The following NRG3 variants were observed in gnomAD, a reference collection of about 807,000 sequenced individuals.
NRG3 encodes neuregulin 3.
NRG3 carries 31 observed loss-of-function variants against 66.9 expected under a neutral mutation model. That is an observed-to-expected ratio of 0.46 (90% CI 0.35 to 0.63). NRG3 has a LOEUF of 0.63. NRG3 is among the 20% of genes least tolerant of loss of function. NRG3 has a pLI of 0.00. For missense variants in NRG3, 910 were observed against 878.9 expected (o/e 1.04, Z -0.45); for synonymous variants, 393 against 359.4 (o/e 1.09, Z -1.06).
chr10:82,367,205 A>T (rs1383599554), intron 2 of NRG3, among the ~76,000 whole-genome samples: 1 of 152,208 alleles, frequency 6.6e-6, no homozygotes, highest in Non-Finnish European at 1.5e-5. Flanking sequence ...TAAAATGGGG[A>T]TGATGATAAC....
At chr10:82,954,696 G>T (rs1280220389) in intron 5 of NRG3, among the ~76,000 whole-genome samples, 1 of 151,516 alleles carries the variant, frequency 6.6e-6, no homozygotes, top group Non-Finnish European at 1.5e-5. Context: ...TTCAGGCTTG[G>T]TCTCCCTTTT....
intron 1 of NRG3, among the ~76,000 whole-genome samples, chr10:82,180,443 A>G (rs905327490): frequency 6.6e-6 from 1 of 151,818 alleles, no homozygotes; most frequent in Non-Finnish European, 1.5e-5. Flanking sequence ...GAGTGATTTT[A>G]TTATGACAGA....
chr10:82,687,151 C>CT (rs1181442050), intron 2 of NRG3, among the ~76,000 whole-genome samples: 13 of 152,176 alleles, frequency 8.5e-5, no homozygotes, highest in Admixed American at 6.5e-5. Flanking sequence ...TATCTTAGGA[C>CT]TTTCTTATTT....
At chr10:82,217,308 C>A (rs990485660) in intron 1 of NRG3, among the ~76,000 whole-genome samples, 1 of 152,122 alleles carries the variant, frequency 6.6e-6, no homozygotes, top group African/African-American at 2.4e-5. Flanking sequence ...TACCTGGGTG[C>A]CATCGCTCTT....
intron 1 of NRG3, among the ~76,000 whole-genome samples, chr10:82,340,242 G>A (rs2082615143): frequency 6.6e-6 from 1 of 152,154 alleles, no homozygotes; most frequent in East Asian, 1.9e-4. Context: ...GCTGCATTAA[G>A]ATATGTCTAG....
intron 1 of NRG3, among the ~76,000 whole-genome samples, chr10:81,921,319 C>A (rs915782858): frequency 2.6e-5 from 4 of 151,816 alleles, no homozygotes; most frequent in African/African-American, 9.7e-5. Context: ...TTGCCTAATC[C>A]TGGAGGTATT....
chr10:81,927,261 T>C (rs1846896959), intron 1 of NRG3, among the ~76,000 whole-genome samples: 2 of 152,334 alleles, frequency 1.3e-5, no homozygotes, highest in African/African-American at 2.4e-5. Flanking sequence ...TCTCTTTTTT[T>C]CTTGCCTTCA....
intron 3 of NRG3, among the ~76,000 whole-genome samples, chr10:82,740,480 C>T (rs925986362): frequency 6.6e-6 from 1 of 152,076 alleles, no homozygotes; most frequent in South Asian, 2.1e-4. Flanking sequence ...AATGGTCCCA[C>T]GGTTACAGTC....
chr10:82,422,496 A>G (rs1339846775), intron 2 of NRG3, among the ~76,000 whole-genome samples: 2 of 152,018 alleles, frequency 1.3e-5, no homozygotes, highest in African/African-American at 2.4e-5. Context: ...TGCAAAATGT[A>G]TGGATGTTAG....
intron 2 of NRG3, among the ~76,000 whole-genome samples, chr10:82,429,224 T>C (rs2089640450): frequency 6.6e-6 from 1 of 151,998 alleles, no homozygotes; most frequent in Admixed American, 6.6e-5. Flanking sequence ...TTAAATCAGA[T>C]AGGAAAAGAA....
chr10:82,622,000 C>G (rs2049071072), intron 2 of NRG3, among the ~76,000 whole-genome samples: 1 of 152,148 alleles, frequency 6.6e-6, no homozygotes, highest in Non-Finnish European at 1.5e-5. Flanking sequence ...AGAGAATTTT[C>G]CAGTTCCTTT....
chr10:82,382,502 T>C (rs1349128508), intron 2 of NRG3, among the ~76,000 whole-genome samples: 1 of 152,010 alleles, frequency 6.6e-6, no homozygotes, highest in Non-Finnish European at 1.5e-5. Context: ...TTACCTTATG[T>C]ACTAAACATT....
At chr10:82,827,219 A>G in intron 3 of NRG3, 1 of 378,088 alleles carries the variant, frequency 2.6e-6, no homozygotes, top group South Asian at 2.0e-5. Flanking sequence ...AAAAAAAAAA[A>G]AAAAAAAAAA....
chr10:81,955,931 C>G (rs1346732361), intron 1 of NRG3, among the ~76,000 whole-genome samples: 1 of 152,170 alleles, frequency 6.6e-6, no homozygotes, highest in Non-Finnish European at 1.5e-5. Flanking sequence ...AATTTTGAGT[C>G]CCTTGCCTAG....
At chr10:82,518,314 C>CT (rs1366804515) in intron 2 of NRG3, among the ~76,000 whole-genome samples, 1 of 152,116 alleles carries the variant, frequency 6.6e-6, no homozygotes, top group Admixed American at 6.6e-5. Context: ...TGGCAACATC[C>CT]TTTGCCTAAT....
At chr10:82,784,169 A>G (rs2060242920) in intron 3 of NRG3, among the ~76,000 whole-genome samples, 1 of 152,162 alleles carries the variant, frequency 6.6e-6, no homozygotes, top group Non-Finnish European at 1.5e-5. Flanking sequence ...AGAAAGCTGA[A>G]ACTGGATCCC....
rs1353101359 is a variant in NRG3, at chr10:82,599,878, A to G, written c.954-138699A>G. The stretch of plus-strand genomic sequence containing the variant: ...ACAAAAGAATGAATCAATCCAAACC[A>G]GAAATGACATGGAAAGTAGTGGTAT... On this transcript the variant is annotated intron_variant, in intron 2 of 8. Coordinates refer to ENST00000372141, the MANE Select transcript of NRG3 (RefSeq NM_001010848.4). Among the ~76,000 whole-genome samples, 3 of 152,296 alleles carry G rather than the reference A, an allele frequency of 2.0e-5. No individual in the cohort carries two copies. In the East Asian group the frequency reaches 5.8e-4, roughly 29 times the overall value.
intron 2 of NRG3, among the ~76,000 whole-genome samples, chr10:82,649,383 C>T (rs2051224639): frequency 6.6e-6 from 1 of 150,554 alleles, no homozygotes; most frequent in African/African-American, 2.4e-5. Context: ...GCTTTAGGGG[C>T]CTATAAGCCT....
chr10:82,904,279 C>G (rs1195726915), intron 4 of NRG3, among the ~76,000 whole-genome samples: 1 of 151,990 alleles, frequency 6.6e-6, no homozygotes, highest in Non-Finnish European at 1.5e-5. Context: ...AACTCTTTTT[C>G]TTCAAATGTG....
Sources: allele counts gnomAD v4.1 joint callset (sites outside exome capture counted in the v4.1 genomes callset), GRCh38; gene constraint gnomAD v4.1.1; transcripts MANE v1.5; gene names NCBI Gene and HGNC (gene_info 2026-07-23, HGNC 2026-07-21).